Variants in PDXK observed in about 807,000 individuals in gnomAD.
PDXK encodes epididymis secretory sperm binding protein Li 1a.
Under a neutral mutation model 43.2 loss-of-function variants are expected in PDXK, and 15 were observed. The observed-to-expected ratio is 0.35, with a 90% CI of 0.23 to 0.53. The LOEUF is 0.53. Among genes scored for constraint, PDXK ranks in the 20% least tolerant of loss-of-function variants. PDXK has a pLI of 0.92. For missense variants in PDXK, 343 were observed against 417.0 expected (o/e 0.82, Z 1.54); for synonymous variants, 172 against 165.4 (o/e 1.04, Z -0.31).
rs2083338379 is a variant in PDXK at position 43,732,857 on chromosome 21, C to T, written c.88-1212C>T. ...CCACCTCCTGGGCTCAGTGATCCTC[C>T]CACCTCAGCCTCCCGAGTAGCTGGG... On this transcript the variant is annotated intron_variant, in intron 1 of 10. Coordinates refer to ENST00000291565, the MANE Select transcript of PDXK (RefSeq NM_003681.5). This position sits in a 1 kb window ranked among gnomAD's most constrained non-coding sequence, Gnocchi z 4.1. Among the ~76,000 whole-genome samples, 1 of 152,136 alleles carries T rather than the reference C, an allele frequency of 6.6e-6. No homozygotes were observed. Among genetic ancestry groups the T allele is most frequent in the African/African-American group, 2.4e-5 (1 of 41,424 alleles).
Position 43,758,134 on chromosome 21 carries a change from G to A in PDXK, c.*2071G>A, listed in dbSNP as rs1222023026. 2.6e-5 allele frequency: 4 copies of A among 153,726 alleles called. No individual in the cohort carries two copies. Among genetic ancestry groups the A allele is most frequent in the Non-Finnish European group, 5.9e-5 (4 of 68,060 alleles). 9.5% of individuals were successfully genotyped at this position (153,726 alleles called of 1,614,324 possible). ...CTTCTGCCCCTGCAGTGGGTGTTAC[G>A]GGCGGTGTGCCCTGGCGAGCAAGCT... On this transcript the variant is annotated 3_prime_UTR_variant, in exon 11 of 11. Coordinates refer to ENST00000291565, the MANE Select transcript of PDXK (RefSeq NM_003681.5).
intron 1 of PDXK, among the ~76,000 whole-genome samples, chr21:43,733,253 A>ACCCCCCCCCCCCCCCCCCCCC (rs1226314950): frequency 1.8e-5 from 1 of 56,166 alleles, no homozygotes; most frequent in Non-Finnish European, 3.4e-5. Flanking sequence ...CCCCATCCCC[A>ACCCCCCCCCCCCCCCCCCCCC]CCCCCCCCCC....
In PDXK at chr21:43,758,557, C is replaced by A. The variant is rs4819309; in HGVS notation, c.*2494C>A. 1 allele frequency: 153,567 copies of A among 153,820 alleles called. 76,659 individuals carry two copies. Among genetic ancestry groups the A allele is most frequent in the Middle Eastern group, 1 (294 of 294 alleles). The allele number at this position is 153,820 out of a possible 1,614,324, so 9.5% of individuals were successfully genotyped here. On this transcript the variant is annotated 3_prime_UTR_variant, in exon 11 of 11. Transcript: ENST00000291565. ...TTCCACCCGGGCATGTTCGTCTCTC[C>A]TGACTTCGGCAGAGGCCCCTGGTGG...
rs777946455 is a variant in PDXK at position 43,719,342 on chromosome 21, C to A, written c.48C>A (p.Arg16=). Residue 16 remains arginine, a synonymous_variant, in exon 1 of 11, where the codon CGC becomes CGA. Coordinates refer to ENST00000291565, the MANE Select transcript of PDXK (RefSeq NM_003681.5). ...TCTCCATACAGAGCCACGTCATCCG[C>A]GGCTACGTGGGCAACCGGGCGGCCA... ...RVLSIQSHVI[R]GYVGNRAATF... is the part of the protein sequence containing the mutation. 1 of 1,525,724 alleles carries A rather than the reference C, an allele frequency of 6.6e-7. No homozygotes were observed. The highest frequency in any genetic ancestry group is 1.2e-5 in the South Asian group (1 of 81,868). 94.5% of individuals were successfully genotyped at this position (1,525,724 alleles called of 1,614,324 possible).
intron 6 of PDXK, among the ~76,000 whole-genome samples, chr21:43,750,259 G>A (rs113936353): frequency 1.3e-5 from 2 of 152,346 alleles, no homozygotes; most frequent in Non-Finnish European, 2.9e-5. Flanking sequence ...CCATCACCAC[G>A]GTTACGTATA....
In PDXK at chr21:43,749,013, C is replaced by T. The variant is rs1199367216; in HGVS notation, c.397C>T (p.Leu133Phe). 1 of 1,611,652 alleles carries T rather than the reference C, an allele frequency of 6.2e-7. No individual in the cohort carries two copies. Among genetic ancestry groups the T allele is most frequent in the South Asian group, 1.1e-5 (1 of 91,030 alleles). The part of the protein sequence containing the change: ...EGSMYVPEDL[L>F]PVYKEKVVPL... ...TGGCCAGTACGTCCCGGAGGACCTC[C>T]TTCCCGTCTACAAAGAAAAAGTGGT... The change falls in exon 6 of 11, where the codon CTT becomes TTT. Residue 133 changes from leucine to phenylalanine, a missense_variant. Coordinates refer to ENST00000291565, the MANE Select transcript of PDXK (RefSeq NM_003681.5).
intron 1 of PDXK, among the ~76,000 whole-genome samples, chr21:43,726,647 A>G (rs886928529): frequency 2.2e-4 from 33 of 152,114 alleles, no homozygotes; most frequent in Non-Finnish European, 1.3e-4. Flanking sequence ...ACCTCAGGCA[A>G]TCCACCCACC....
intron 1 of PDXK, chr21:43,719,883 C>A (rs1318163815): frequency 1.0e-6 from 1 of 985,466 alleles, no homozygotes; most frequent in Non-Finnish European, 1.2e-6. Flanking sequence ...AGGAAGAAGA[C>A]GCCGAGTGAG....
chr21:43,721,552 A>G (rs2083206395), intron 1 of PDXK: 1 of 152,246 alleles, frequency 6.6e-6, no homozygotes, highest in Non-Finnish European at 1.5e-5. Context: ...TGGGGGTCCC[A>G]CCTCAAAGCA....
chr21:43,756,156 G>A lies in PDXK; in HGVS notation c.*93G>A, dbSNP rs1046674730. On this transcript the variant is annotated 3_prime_UTR_variant, in exon 11 of 11. Transcript: ENST00000291565. ...TAACGTCTGCCTTAGAGCCATGACC[G>A]AAACTTGATATTTTTTTCTTTCATG... 37 of 700,306 alleles carry A rather than the reference G, an allele frequency of 5.3e-5. 1 individual carries two copies. In the Middle Eastern group the frequency reaches 9.6e-4, roughly 18 times the overall value. The allele number at this position is 700,306 out of a possible 1,614,324, so 43.4% of individuals were successfully genotyped here.
intron 7 of PDXK, among the ~76,000 whole-genome samples, chr21:43,750,961 CATGTGTGTGT>C (rs2083738192): frequency 2.8e-5 from 1 of 35,310 alleles, no homozygotes; most frequent in South Asian, 8.4e-4. Context: ...CATGTGTGTG[CATGTGTGTGT>C]GTGTGTGTGC....
intron 1 of PDXK, among the ~76,000 whole-genome samples, chr21:43,731,150 T>G (rs547503742): frequency 4.6e-5 from 7 of 152,286 alleles, no homozygotes; most frequent in Admixed American, 4.6e-4. Context: ...GACTCAGTTT[T>G]TAATAATGAC....
intron 2 of PDXK, 70 bp from the exon 3 acceptor site, chr21:43,741,597 T>C: frequency 9.5e-6 from 15 of 1,583,046 alleles, no homozygotes; most frequent in African/African-American, 1.4e-5. Flanking sequence ...AGTGGGCGGG[T>C]GTCAAGGGAA....
chr21:43,752,316 G>T (rs2083767293), intron 7 of PDXK, among the ~76,000 whole-genome samples: 1 of 152,240 alleles, frequency 6.6e-6, no homozygotes, highest in South Asian at 2.1e-4. Context: ...CTGACAGTTT[G>T]TGGGGGGATG....
At position 43,759,231 on chromosome 21, in the gene PDXK, A is replaced by T. The variant is rs1462380574; in HGVS notation, c.*3168A>T. The T allele has an allele frequency of 5.2e-5, 8 of 153,228 alleles. No individual in the cohort carries two copies. Among genetic ancestry groups the T allele is most frequent in the Non-Finnish European group, 8.8e-5 (6 of 68,072 alleles). The allele number at this position is 153,228 out of a possible 1,614,324, so 9.5% of individuals were successfully genotyped here. On this transcript the variant is annotated 3_prime_UTR_variant, in exon 11 of 11. Transcript: ENST00000291565. ...AGAAGGCAGAGCCCACAGTAGGTGC[A>T]CGGTGCAAGGCCCTGGGAGGGCACT...
At chr21:43,744,258 C>T (rs1051860927) in intron 4 of PDXK, among the ~76,000 whole-genome samples, 10 of 152,186 alleles carry the variant, frequency 6.6e-5, no homozygotes, top group East Asian at 1.9e-4. Flanking sequence ...AGGCTGGGCC[C>T]GCTAGGGAGT....
intron 1 of PDXK, among the ~76,000 whole-genome samples, chr21:43,731,703 A>T (rs896367427): frequency 1.3e-5 from 2 of 148,652 alleles, no homozygotes; most frequent in Non-Finnish European, 2.9e-5. Context: ...TGGACCAAGA[A>T]CCAGTCTGTC....
In PDXK at chr21:43,761,690, A is replaced by AG. The variant is rs3840083; in HGVS notation, c.*5630dup. 47,749 of 151,764 alleles carry AG rather than the reference A, an allele frequency of 0.31. 7,573 individuals are homozygous for AG. Among genetic ancestry groups the AG allele is most frequent in the East Asian group, 0.47 (2,367 of 5,082 alleles). The allele number at this position is 151,764 out of a possible 1,614,324, so 9.4% of individuals were successfully genotyped here. On this transcript the variant is annotated 3_prime_UTR_variant, in exon 11 of 11. Transcript: ENST00000291565. Reference sequence around the variant, plus strand: ...CCAAGACCCAGCCCCTGGCAGGAGGAGGGTGGGTGCAGGGCTGGTGGGACA... The same window carrying AG: ...CCAAGACCCAGCCCCTGGCAGGAGGAGGGGTGGGTGCAGGGCTGGTGGGACA...
rs528444945 is a variant in PDXK, at chr21:43,727,126, C to T, written c.88-6943C>T. On this transcript the variant is annotated intron_variant, in intron 1 of 10. Transcript: ENST00000291565. Reference sequence around the variant, plus strand: ...GAAAGGGAGGGGCGGATCCGCAGAACGGGCAGCTTCGGGGACACAGGGGCT... The same window carrying T: ...GAAAGGGAGGGGCGGATCCGCAGAATGGGCAGCTTCGGGGACACAGGGGCT... 3.3e-5 allele frequency among the ~76,000 whole-genome samples: 5 copies of T among 152,280 alleles called. No individual in the cohort carries two copies. In the South Asian group the frequency reaches 6.2e-4, roughly 19 times the overall value.
Sources: allele counts gnomAD v4.1 joint callset (sites outside exome capture counted in the v4.1 genomes callset), GRCh38; gene constraint gnomAD v4.1.1; non-coding constraint Gnocchi (gnomAD v3.1); transcripts MANE v1.5; gene names NCBI Gene and HGNC (gene_info 2026-07-23, HGNC 2026-07-21).